Variants in DOCK1 observed in about 807,000 individuals in gnomAD.
The protein encoded by DOCK1 is dedicator of cytokinesis protein 1.
In DOCK1, 138 loss-of-function variants were observed where a neutral mutation model predicts 262.7. The ratio of observed to expected loss-of-function variants is 0.53; its 90% CI spans 0.46 to 0.61. The LOEUF is 0.61. Among genes scored for constraint, DOCK1 ranks in the 20% least tolerant of loss-of-function variants. The pLI, the probability that DOCK1 is intolerant of heterozygous loss-of-function variation, is 0.00. For missense variants in DOCK1, 1,908 were observed against 2,370.7 expected (o/e 0.80, Z 4.05); for synonymous variants, 866 against 867.4 (o/e 1.00, Z 0.03).
chr10:126,957,556 G>C, intron 1 of DOCK1, among the ~76,000 whole-genome samples: 1 of 152,196 alleles, frequency 6.6e-6, no homozygotes, highest in East Asian at 1.9e-4. Flanking sequence ...CACGGTCATA[G>C]CTCACTGCAG....
At chr10:127,124,783 G>A (rs1189714723) in intron 25 of DOCK1, among the ~76,000 whole-genome samples, 1 of 152,154 alleles carries the variant, frequency 6.6e-6, no homozygotes, top group Non-Finnish European at 1.5e-5. Context: ...CTAGGAGAAG[G>A]AAATCATACT....
intron 2 of DOCK1, among the ~76,000 whole-genome samples, chr10:126,977,467 A>T (rs913901655): frequency 3.9e-5 from 6 of 152,164 alleles, no homozygotes; most frequent in African/African-American, 1.4e-4. Flanking sequence ...TGGCTGCTCC[A>T]GGAAAAAGTG....
chr10:127,155,158 A>G (rs1292116850), intron 27 of DOCK1, among the ~76,000 whole-genome samples: 1 of 152,222 alleles, frequency 6.6e-6, no homozygotes, highest in East Asian at 1.9e-4. Context: ...TCTTCTGTCA[A>G]CATTGCTAGT....
chr10:126,927,765 G>A (rs2033868336), intron 1 of DOCK1, among the ~76,000 whole-genome samples: 1 of 152,144 alleles, frequency 6.6e-6, no homozygotes, highest in Non-Finnish European at 1.5e-5. Context: ...TGTTCATTCA[G>A]TAGACGCGTA....
At chr10:127,428,655 A>G (rs540483723) in intron 47 of DOCK1, among the ~76,000 whole-genome samples, 50 of 148,020 alleles carry the variant, frequency 3.4e-4, no homozygotes, top group Admixed American at 1.1e-3. Context: ...TGCCGTGTGG[A>G]TTGGGGTGCC....
At chr10:127,431,904 C>T (rs2069316840) in intron 47 of DOCK1, among the ~76,000 whole-genome samples, 1 of 152,160 alleles carries the variant, frequency 6.6e-6, no homozygotes, top group Admixed American at 6.6e-5. Flanking sequence ...GAACTGGGCC[C>T]ACAGCTGGAG....
At chr10:127,117,311 C>T (rs1209611265) in intron 25 of DOCK1, among the ~76,000 whole-genome samples, 1 of 152,176 alleles carries the variant, frequency 6.6e-6, no homozygotes. Context: ...AGCCAGAAGC[C>T]TGGCAGGGAG....
At chr10:127,373,463 T>G (rs1489952696) in intron 33 of DOCK1, among the ~76,000 whole-genome samples, 1 of 145,172 alleles carries the variant, frequency 6.9e-6, no homozygotes, top group Non-Finnish European at 1.5e-5. Flanking sequence ...AGTTTGAGAC[T>G]TTTTTTCATG....
In DOCK1 at chr10:127,175,928, C is replaced by T. The variant is rs781426542; in HGVS notation, c.2847+48164C>T. 30 of 1,614,244 alleles carry T rather than the reference C, an allele frequency of 1.9e-5. No homozygotes were observed. The highest frequency in any genetic ancestry group is 2.4e-5 in the Non-Finnish European group (28 of 1,180,046). ...CCGCGCCACATGGCCGGGCCTCCTC[C>T]ATGGGTCCAGCCTCGTTCTTCTCTT... On this transcript the variant is annotated intron_variant, in intron 27 of 51. Coordinates refer to ENST00000623213, the MANE Select transcript of DOCK1 (RefSeq NM_001290223.2). The surrounding 1 kb of genome is among the most constrained non-coding windows in gnomAD (Gnocchi z 6.3).
chr10:127,340,173 A>AT (rs1335769850), intron 30 of DOCK1, among the ~76,000 whole-genome samples: 2 of 152,160 alleles, frequency 1.3e-5, no homozygotes, highest in Non-Finnish European at 2.9e-5. Flanking sequence ...TGTTTATAAA[A>AT]TTTTTTATCA....
At chr10:127,024,655 T>TA (rs1184873745) in intron 14 of DOCK1, 30 bp from the exon 15 acceptor site, 2 of 1,581,854 alleles carry the variant, frequency 1.3e-6, no homozygotes, top group South Asian at 2.3e-5. Context: ...TATGAGGTCT[T>TA]ACGTGAGCTC....
intron 29 of DOCK1, among the ~76,000 whole-genome samples, chr10:127,305,939 C>T (rs1321585917): frequency 2.0e-5 from 3 of 151,978 alleles, no homozygotes; most frequent in East Asian, 3.9e-4. Flanking sequence ...GGCATCTATG[C>T]ATTTAAATAT....
At chr10:127,173,131 C>G (rs2054737881) in intron 27 of DOCK1, among the ~76,000 whole-genome samples, 1 of 152,022 alleles carries the variant, frequency 6.6e-6, no homozygotes, top group South Asian at 2.1e-4. Flanking sequence ...CCTGCTCCAG[C>G]ATTGCTGGCC....
chr10:126,981,907 TC>T lies in DOCK1; in HGVS notation c.172-9del, dbSNP rs765646416. 1 of 1,603,868 alleles carries T rather than the reference TC, an allele frequency of 6.2e-7. No homozygotes were observed. The highest frequency in any genetic ancestry group is 8.5e-7 in the Non-Finnish European group (1 of 1,177,058). On this transcript the variant is annotated splice_polypyrimidine_tract_variant and intron_variant, in intron 3 of 51. Coordinates refer to ENST00000623213, the MANE Select transcript of DOCK1 (RefSeq NM_001290223.2). ...ATAATAAAAGCTACTGTTTTTTTTTTCCTCCCAAAGGGTATATTTCCTGCTT... is the reference window on the plus strand; with the variant it reads ...ATAATAAAAGCTACTGTTTTTTTTTTCTCCCAAAGGGTATATTTCCTGCTT...
intron 1 of DOCK1, among the ~76,000 whole-genome samples, chr10:126,949,094 G>C (rs940357438): frequency 0.23 from 35,640 of 152,058 alleles, 4,400 homozygotes; most frequent in African/African-American, 0.27. Context: ...CGTTCTGCTG[G>C]GGGGAGGTGC....
At chr10:127,348,920 T>G (rs2063760541) in intron 31 of DOCK1, among the ~76,000 whole-genome samples, 1 of 152,254 alleles carries the variant, frequency 6.6e-6, no homozygotes, top group African/African-American at 2.4e-5. Context: ...AATTTGTGTC[T>G]GTGCTCATTT....
intron 27 of DOCK1, among the ~76,000 whole-genome samples, chr10:127,241,734 G>C (rs1196484340): frequency 6.6e-6 from 1 of 152,110 alleles, no homozygotes; most frequent in Non-Finnish European, 1.5e-5. Context: ...AAAAGAGAGA[G>C]GGGAGTATAC....
Position 127,052,783 on chromosome 10 carries a change from G to A in DOCK1, c.2304G>A (p.Lys768=), listed in dbSNP as rs1564765257. 1 of 1,613,838 alleles carries A rather than the reference G, an allele frequency of 6.2e-7. No individual in the cohort carries two copies. The highest frequency in any genetic ancestry group is 8.5e-7 in the Non-Finnish European group (1 of 1,179,814). Residue 768 remains lysine, a synonymous_variant, in exon 22 of 52, where the codon AAG becomes AAA. Coordinates refer to ENST00000623213, the MANE Select transcript of DOCK1 (RefSeq NM_001290223.2). ...TGAAAGCGCTAGAATCCATCTTCAAGTTCATCGTGCGCTCCAGGATCCTGT... is the reference window on the plus strand; with the variant it reads ...TGAAAGCGCTAGAATCCATCTTCAAATTCATCGTGCGCTCCAGGATCCTGT... ...KAMKALESIF[K]FIVRSRILFN... is the part of the protein sequence containing the mutation.
chr10:127,306,619 C>G (rs1436222700), intron 29 of DOCK1, among the ~76,000 whole-genome samples: 1 of 152,036 alleles, frequency 6.6e-6, no homozygotes, highest in African/African-American at 2.4e-5. Flanking sequence ...GGGGTTTATC[C>G]CCTATTCAGC....
Sources: gnomAD v4.1 joint callset for allele counts (sites outside exome capture counted in the v4.1 genomes callset) on GRCh38, gnomAD v4.1.1 for gene constraint, Gnocchi (gnomAD v3.1) non-coding constraint, MANE v1.5 for transcripts, NCBI Gene and HGNC (gene_info 2026-07-23, HGNC 2026-07-21) for gene names.